Variants in KAT8 observed in about 807,000 individuals in gnomAD.
The protein encoded by KAT8 is lysine acetyltransferase 8.
In KAT8, 40 loss-of-function variants were observed where a neutral mutation model predicts 62.9. That is an observed-to-expected ratio of 0.64 (90% CI 0.49 to 0.83). KAT8 has a LOEUF of 0.83. KAT8 is among the 40% of genes least tolerant of loss of function. The probability of loss-of-function intolerance (pLI) is 0.00; values close to 1 mark genes in which losing one functional copy is unlikely to be tolerated. For synonymous variants in KAT8, 278 were observed against 254.5 expected (o/e 1.09, Z -0.88); for missense variants, 387 against 614.8 (o/e 0.63, Z 3.92).
chr16:31,131,150 G>A (rs1294278071), intron 10 of KAT8, 45 bp from the exon 11 acceptor site: 1 of 1,610,060 alleles, frequency 6.2e-7, no homozygotes, highest in Non-Finnish European at 8.5e-7. Context: ...GTGTGAGCTG[G>A]CCTGGCCCAG....
At chr16:31,118,109 C>G (rs1374071618) in intron 1 of KAT8, 25 of 405,510 alleles carry the variant, frequency 6.2e-5, no homozygotes, top group Non-Finnish European at 1.0e-4. Flanking sequence ...GCGACGCCTA[C>G]AAACCCACCG....
Position 31,120,801 on chromosome 16 carries a change from G to A in KAT8, c.462+287G>A, listed in dbSNP as rs925139749. The A allele has an allele frequency of 2.3e-5, 8 of 349,882 alleles. No individual in the cohort carries two copies. In the Admixed American group the frequency reaches 3.5e-4, roughly 15 times the overall value. 21.7% of individuals were successfully genotyped at this position (349,882 alleles called of 1,614,324 possible). ...TTTGTCTCCTAGTAGCTGTGTCTTA[G>A]TAGAAAAAATGACTTGAAGTTCAGT... On this transcript the variant is annotated intron_variant, in intron 3 of 10. Coordinates refer to ENST00000219797, the MANE Select transcript of KAT8 (RefSeq NM_032188.3).
intron 9 of KAT8, 31 bp from the exon 10 acceptor site, chr16:31,130,715 G>T (rs2057571007): frequency 6.2e-7 from 1 of 1,613,142 alleles, no homozygotes; most frequent in Admixed American, 1.7e-5. Context: ...AGGGCACCAG[G>T]TCTGGCATTT....
intron 1 of KAT8, 127 bp downstream of exon 1, chr16:31,118,019 G>A (rs1567432699): frequency 1.1e-5 from 8 of 733,062 alleles, no homozygotes; most frequent in Middle Eastern, 4.4e-4. Context: ...GAGGGGCGGG[G>A]CTTGAGGAAA....
At position 31,120,367 on chromosome 16, in the gene KAT8, C is replaced by T. The variant is rs1421024165; in HGVS notation, c.315C>T (p.Asp105=). 2.5e-6 allele frequency: 4 copies of T among 1,614,026 alleles called. No homozygotes were observed. Among genetic ancestry groups the T allele is most frequent in the East Asian group, 2.2e-5 (1 of 44,880 alleles). ...GFNRRLDEWV[D]KNRLALTKTV... The stretch of plus-strand genomic sequence containing the variant: ...ACCGGCGGCTGGACGAGTGGGTAGA[C>T]AAGAACCGGCTGGCGCTGACCAAGA... Residue 105 remains aspartate, a synonymous_variant, in exon 3 of 11, where the codon GAC becomes GAT. Transcript: ENST00000219797.
chr16:31,121,940 C>T (rs145939544), intron 3 of KAT8, among the ~76,000 whole-genome samples: 4 of 151,920 alleles, frequency 2.6e-5, no homozygotes, highest in East Asian at 3.9e-4. Flanking sequence ...TTTGTAGAGA[C>T]GGGATCTGCT....
intron 5 of KAT8, among the ~76,000 whole-genome samples, chr16:31,127,684 T>C (rs1239334297): frequency 2.0e-5 from 3 of 152,064 alleles, no homozygotes; most frequent in African/African-American, 7.2e-5. Context: ...GTGGATGAAA[T>C]TGGGGGCTGT....
chr16:31,118,191 T>C (rs893949135), intron 1 of KAT8: 15 of 319,086 alleles, frequency 4.7e-5, no homozygotes, highest in Non-Finnish European at 7.4e-5. Context: ...TTTTTCTTGC[T>C]AACGCTGCTT....
Position 31,117,767 on chromosome 16 carries a change from C to T in KAT8, c.86C>T (p.Ala29Val). 2.9e-6 allele frequency: 4 copies of T among 1,377,482 alleles called. No individual in the cohort carries two copies. Among genetic ancestry groups the T allele is most frequent in the South Asian group, 1.6e-5 (1 of 63,314 alleles). 85.3% of individuals were successfully genotyped at this position (1,377,482 alleles called of 1,614,324 possible). ...GGCGAGCCCGGGCCCGGGGAGAATG[C>T]GGCCGCTGAGGGGACCGCCCCATCC... ...GEGEPGPGEN[A>V]AAEGTAPSPG... Residue 29 changes from alanine to valine, a missense_variant, in exon 1 of 11, where the codon GCG (alanine) becomes GTG (valine). Coordinates refer to ENST00000219797, the MANE Select transcript of KAT8 (RefSeq NM_032188.3).
At chr16:31,125,311 T>G (rs549093766) in intron 3 of KAT8, among the ~76,000 whole-genome samples, 1 of 151,778 alleles carries the variant, frequency 6.6e-6, no homozygotes, top group South Asian at 2.1e-4. Flanking sequence ...TCTGTAAAAT[T>G]GAAATAACGC....
intron 6 of KAT8, among the ~76,000 whole-genome samples, chr16:31,129,070 G>A (rs1427198326): frequency 1.3e-5 from 2 of 152,230 alleles, no homozygotes; most frequent in African/African-American, 4.8e-5. Context: ...GTTTGTTCCT[G>A]TTTCCTTGTC....
chr16:31,122,958 G>A (rs913744622), intron 3 of KAT8, among the ~76,000 whole-genome samples: 1 of 151,800 alleles, frequency 6.6e-6, no homozygotes, highest in Admixed American at 6.6e-5. Flanking sequence ...GAGGTGGGTG[G>A]ATCACTTAAG....
chr16:31,118,065 G>A (rs946987921), intron 1 of KAT8, 173 bp downstream of exon 1: 1 of 471,894 alleles, frequency 2.1e-6, no homozygotes, highest in Non-Finnish European at 3.5e-6. Flanking sequence ...AACCAGCCGG[G>A]TTGTGGGAGG....
chr16:31,128,001 C>T, intron 5 of KAT8, 49 bp from the exon 6 acceptor site: 2 of 1,446,634 alleles, frequency 1.4e-6, no homozygotes, highest in Non-Finnish European at 1.9e-6. Context: ...TGGGTGCCTC[C>T]TAGCAGAGAA....
chr16:31,120,845 A>G (rs1297177245), intron 3 of KAT8: 1 of 263,616 alleles, frequency 3.8e-6, no homozygotes. Flanking sequence ...CGAGAATGTT[A>G]TTCGGCAGTT....
Position 31,131,027 on chromosome 16 carries a change from C to T in KAT8, c.1312+127C>T, listed in dbSNP as rs1481893424. 4 of 1,508,008 alleles carry T rather than the reference C, an allele frequency of 2.7e-6. No homozygotes were observed. The Admixed American group carries it at 6.3e-5, about 24-fold the overall frequency. The allele number at this position is 1,508,008 out of a possible 1,614,324, so 93.4% of individuals were successfully genotyped here. A position where few individuals can be genotyped will look rare whatever the true frequency, so the allele number is the denominator to read the frequency against. On this transcript the variant is annotated intron_variant, in intron 10 of 10. Coordinates refer to ENST00000219797, the MANE Select transcript of KAT8 (RefSeq NM_032188.3). ...AGTCAGACCAGCTCCCAGGATGGAG[C>T]CCGGGGCAGGCCTCTCATTCCTGGG... is the stretch of plus-strand genomic sequence containing the variant.
At chr16:31,121,811 G>A (rs2057495803) in intron 3 of KAT8, among the ~76,000 whole-genome samples, 1 of 151,904 alleles carries the variant, frequency 6.6e-6, no homozygotes, top group Admixed American at 6.6e-5. Context: ...GAGTGCAGTG[G>A]CACAATCATG....
In KAT8 at chr16:31,122,509, A is replaced by G. The variant is rs1460929443; in HGVS notation, c.462+1995A>G. On this transcript the variant is annotated intron_variant, in intron 3 of 10. Coordinates refer to ENST00000219797, the MANE Select transcript of KAT8 (RefSeq NM_032188.3). ...TCCTATTGTAATGGAAATGTTCTATAGCTGTACTATCTAGTACCGTAGCCA... is the reference window on the plus strand; with the variant it reads ...TCCTATTGTAATGGAAATGTTCTATGGCTGTACTATCTAGTACCGTAGCCA... 2.0e-5 allele frequency: 3 copies of G among 152,314 alleles called. No individual in the cohort carries two copies. In the East Asian group the frequency reaches 5.8e-4, roughly 29 times the overall value. The allele number at this position is 152,314 out of a possible 1,614,324, so 9.4% of individuals were successfully genotyped here. A position where few individuals can be genotyped will look rare whatever the true frequency, so the allele number is the denominator to read the frequency against.
chr16:31,119,701 C>A (rs2057478868), intron 1 of KAT8, among the ~76,000 whole-genome samples: 1 of 152,054 alleles, frequency 6.6e-6, no homozygotes, highest in Non-Finnish European at 1.5e-5. Context: ...TGCAGTGGTA[C>A]AATCTCGGCT....
Sources: gnomAD v4.1 joint callset for allele counts (sites outside exome capture counted in the v4.1 genomes callset) on GRCh38, gnomAD v4.1.1 for gene constraint, MANE v1.5 for transcripts, NCBI Gene and HGNC (gene_info 2026-07-23, HGNC 2026-07-21) for gene names.